The following FKBP4 variants were observed in gnomAD, a reference collection of about 807,000 sequenced individuals.
FKBP4 encodes the protein peptidyl-prolyl cis-trans isomerase FKBP4.
Under a neutral mutation model 54.1 loss-of-function variants are expected in FKBP4, and 28 were observed. That is an observed-to-expected ratio of 0.52 (90% CI 0.38 to 0.71). The LOEUF is 0.71. Ranked by LOEUF, FKBP4 falls within the 30% of genes least tolerant of loss-of-function variation. The probability of loss-of-function intolerance (pLI) is 0.00; values close to 1 mark genes in which losing one functional copy is unlikely to be tolerated. For synonymous variants in FKBP4, 223 were observed against 216.1 expected, an observed-to-expected ratio of 1.03 and a Z score of -0.28; for missense variants, 493 against 574.4, an observed-to-expected ratio of 0.86 and a Z score of 1.45.
chr12:2,800,909 A>G (rs549650034), intron 8 of FKBP4, among the ~76,000 whole-genome samples: 42 of 152,262 alleles, frequency 2.8e-4, no homozygotes, highest in Middle Eastern at 3.4e-3. Flanking sequence ...TCATCCAAAG[A>G]CCTGCTGTCT....
In FKBP4 at chr12:2,798,436, T is replaced by A. The variant is rs1308420268; in HGVS notation, c.394-270T>A. Among the ~76,000 whole-genome samples the A allele has an allele frequency of 6.6e-6, 1 of 152,246 alleles. No homozygotes were observed. Among genetic ancestry groups the A allele is most frequent in the Non-Finnish European group, 1.5e-5 (1 of 68,044 alleles). ...AATTAGGATTATCTGGGACGCGTCC[T>A]GATATGTCCGTGTTAGTAGAGCAGG... On this transcript the variant is annotated intron_variant, in intron 3 of 9. Coordinates refer to ENST00000001008, the MANE Select transcript of FKBP4 (RefSeq NM_002014.4). The surrounding 1 kb of genome is among the most constrained non-coding windows in gnomAD (Gnocchi z 4.3).
chr12:2,796,938 TTGC>T, intron 1 of FKBP4, 197 bp from the exon 2 acceptor site: 2 of 1,369,902 alleles, frequency 1.5e-6, no homozygotes, highest in Non-Finnish European at 1.9e-6. Context: ...AAACCAAGTC[TTGC>T]TGCACCTCAA....
Position 2,796,552 on chromosome 12 carries a change from C to T in FKBP4, c.106-586C>T, listed in dbSNP as rs1186588427. ...CCCTGGACTAACTACCAGAGGAATA[C>T]TCAGCTCCCAAGTCAGAGTTTAAGG... On this transcript the variant is annotated intron_variant, in intron 1 of 9. Transcript: ENST00000001008. The T allele has an allele frequency of 2.5e-6, 3 of 1,189,318 alleles. No homozygotes were observed. In the East Asian group the frequency reaches 1.7e-4, roughly 69 times the overall value. The allele number at this position is 1,189,318 out of a possible 1,614,324, so 73.7% of individuals were successfully genotyped here.
In FKBP4 at chr12:2,795,888, C is replaced by T; in HGVS notation, c.105+644C>T. 1.0e-6 allele frequency: 1 copy of T among 953,476 alleles called. No individual in the cohort carries two copies. The highest frequency in any genetic ancestry group is 1.3e-6 in the Non-Finnish European group (1 of 798,760). 59.1% of individuals were successfully genotyped at this position (953,476 alleles called of 1,614,324 possible). On this transcript the variant is annotated intron_variant, in intron 1 of 9. Coordinates refer to ENST00000001008, the MANE Select transcript of FKBP4 (RefSeq NM_002014.4). This position sits in a 1 kb window ranked among gnomAD's most constrained non-coding sequence, Gnocchi z 4.3. ...CCGCGCGGCGCCCCCTCCCTCGGCC[C>T]CGGGGAGGCCGGGCGCGGGGCATGC...
intron 8 of FKBP4, 112 bp from the exon 9 acceptor site, chr12:2,801,005 C>A: frequency 1.4e-6 from 2 of 1,429,424 alleles, no homozygotes; most frequent in Non-Finnish European, 1.9e-6. Context: ...GTGCAGCCAG[C>A]CACTTGCATT....
At position 2,803,221 on chromosome 12, in the gene FKBP4, C is replaced by T. The variant is rs766636474; in HGVS notation, c.1343C>T (p.Thr448Met). 2.0e-5 allele frequency: 32 copies of T among 1,600,238 alleles called. No homozygotes were observed. In the Admixed American group the frequency reaches 2.0e-4, roughly 10 times the overall value. The part of the protein sequence containing the change: ...TEMKEEQKSN[T>M]AGSQSQVETE... ...ATGAAGGAGGAGCAGAAGAGCAACA[C>T]GGCAGGGAGCCAGTCTCAGGTGGAG... The change falls in exon 10 of 10, where the codon ACG becomes ATG. Residue 448 changes from threonine (T) to methionine (M), a missense_variant. Thr to Met is a moderately conservative substitution (Grantham distance 81). Transcript: ENST00000001008.
At chr12:2,796,131 A>G (rs1281630606) in intron 1 of FKBP4, 6 of 1,230,854 alleles carry the variant, frequency 4.9e-6, no homozygotes, top group East Asian at 5.7e-5. Flanking sequence ...GTGAATTCCC[A>G]GCCTGCGTCT....
Position 2,804,982 on chromosome 12 carries a change from G to A in FKBP4, c.*1724G>A, listed in dbSNP as rs2097906735. The A allele has an allele frequency of 3.3e-6, 1 of 302,880 alleles. No individual in the cohort carries two copies. The highest frequency in any genetic ancestry group is 6.5e-6 in the Non-Finnish European group (1 of 153,816). 18.8% of individuals were successfully genotyped at this position (302,880 alleles called of 1,614,324 possible). A position where few individuals can be genotyped will look rare whatever the true frequency, so the allele number is the denominator to read the frequency against. On this transcript the variant is annotated 3_prime_UTR_variant, in exon 10 of 10. Transcript: ENST00000001008. ...CCTCACATCACAGCCCTGTGTTTGT[G>A]GTTTGTGTCTGGGTCCTCTTGGTAT...
intron 5 of FKBP4, 75 bp from the exon 6 acceptor site, chr12:2,799,775 T>TG: frequency 2.3e-6 from 3 of 1,290,426 alleles, no homozygotes; most frequent in Non-Finnish European, 2.2e-6. Context: ...TTCCAGGAAA[T>TG]GGACAGGAAG....
rs1351820540 is a variant in FKBP4 at position 2,798,610 on chromosome 12, CTGGCAGTTAG to C, written c.394-94_394-85del. 2.5e-6 allele frequency: 4 copies of C among 1,588,882 alleles called. No individual in the cohort carries two copies. The highest frequency in any genetic ancestry group is 3.4e-6 in the Non-Finnish European group (4 of 1,165,764). On this transcript the variant is annotated intron_variant, in intron 3 of 9. Coordinates refer to ENST00000001008, the MANE Select transcript of FKBP4 (RefSeq NM_002014.4). The surrounding 1 kb of genome is among the most constrained non-coding windows in gnomAD (Gnocchi z 4.3). Reference sequence around the variant, plus strand: ...GACTGCCCTTGTGGTCAGATCCGGCCTGGCAGTTAGTAGGGACTCTCTCGGATGAGAAAGA... The same window carrying C: ...GACTGCCCTTGTGGTCAGATCCGGCCTAGGGACTCTCTCGGATGAGAAAGA...
At chr12:2,797,385 T>A in intron 2 of FKBP4, 103 bp downstream of exon 2, 1 of 1,354,442 alleles carries the variant, frequency 7.4e-7, no homozygotes, top group Non-Finnish European at 1.0e-6. Context: ...GAATGGTTTA[T>A]CACAGTCTGT....
Position 2,798,991 on chromosome 12 carries a change from C to G in FKBP4, c.515-97C>G. The G allele has an allele frequency of 6.9e-7, 1 of 1,439,532 alleles. No individual in the cohort carries two copies. Among genetic ancestry groups the G allele is most frequent in the Non-Finnish European group, 9.5e-7 (1 of 1,057,826 alleles). 89.2% of individuals were successfully genotyped at this position (1,439,532 alleles called of 1,614,324 possible). A position where few individuals can be genotyped will look rare whatever the true frequency, so the allele number is the denominator to read the frequency against. On this transcript the variant is annotated intron_variant, in intron 4 of 9. Coordinates refer to ENST00000001008, the MANE Select transcript of FKBP4 (RefSeq NM_002014.4). The surrounding 1 kb of genome is among the most constrained non-coding windows in gnomAD (Gnocchi z 4.3). ...TCCAGATTTGAGAACACAGGAGAATCTTGGGATGATGGGGGTGATGCAGGG... is the reference window on the plus strand; with the variant it reads ...TCCAGATTTGAGAACACAGGAGAATGTTGGGATGATGGGGGTGATGCAGGG...
intron 2 of FKBP4, 103 bp from the exon 3 acceptor site, chr12:2,797,626 T>C: frequency 7.2e-7 from 1 of 1,397,704 alleles, no homozygotes. Context: ...CTAAAGGATG[T>C]CCAGCTTCCC....
chr12:2,796,135 T>G (rs2097901697), intron 1 of FKBP4: 1 of 1,235,620 alleles, frequency 8.1e-7, no homozygotes, highest in Non-Finnish European at 1.0e-6. Flanking sequence ...ATTCCCAGCC[T>G]GCGTCTTATG....
intron 1 of FKBP4, 191 bp from the exon 2 acceptor site, chr12:2,796,947 C>T: frequency 7.3e-7 from 1 of 1,377,702 alleles, no homozygotes; most frequent in Non-Finnish European, 9.4e-7. Flanking sequence ...CTTGCTGCAC[C>T]TCAAGAAAGA....
At chr12:2,800,317 A>C (rs2097904042) in intron 7 of FKBP4, 75 bp from the exon 8 acceptor site, 1 of 1,495,322 alleles carries the variant, frequency 6.7e-7, no homozygotes, top group African/African-American at 1.4e-5. Context: ...GCCATGTGTC[A>C]CTGATGTCTG....
At position 2,801,363 on chromosome 12, in the gene FKBP4, A is replaced by G; in HGVS notation, c.1272+7A>G. 1 of 1,613,910 alleles carries G rather than the reference A, an allele frequency of 6.2e-7. No homozygotes were observed. Among genetic ancestry groups the G allele is most frequent in the East Asian group, 2.2e-5 (1 of 44,872 alleles). On this transcript the variant is annotated splice_region_variant and intron_variant, in intron 9 of 9. Coordinates refer to ENST00000001008, the MANE Select transcript of FKBP4 (RefSeq NM_002014.4). ...GGCTGAGGAGGAGAACAAGGTGAGG[A>G]TTGGGGTGGGGAACAGTTGGAATAG...
In FKBP4 at chr12:2,795,966, G is replaced by A; in HGVS notation, c.105+722G>A. The A allele has an allele frequency of 9.4e-7, 1 of 1,059,638 alleles. No individual in the cohort carries two copies. Among genetic ancestry groups the A allele is most frequent in the Non-Finnish European group, 1.1e-6 (1 of 872,026 alleles). 65.6% of individuals were successfully genotyped at this position (1,059,638 alleles called of 1,614,324 possible). A position where few individuals can be genotyped will look rare whatever the true frequency, so the allele number is the denominator to read the frequency against. On this transcript the variant is annotated intron_variant, in intron 1 of 9. Coordinates refer to ENST00000001008, the MANE Select transcript of FKBP4 (RefSeq NM_002014.4). The surrounding 1 kb of genome is among the most constrained non-coding windows in gnomAD (Gnocchi z 4.3). ...GCCGCCTCCCGGAGCCAGGGCTGCG[G>A]GGTGTGGGGCGGGGAGGAGGCGCTC... is the stretch of plus-strand genomic sequence containing the variant.
chr12:2,801,029 C>T (rs1460627326), intron 8 of FKBP4, 88 bp from the exon 9 acceptor site: 3 of 1,555,504 alleles, frequency 1.9e-6, no homozygotes, highest in African/African-American at 1.4e-5. Context: ...CCTCATCCTC[C>T]TGAGGGGTAC....
Sources: gnomAD v4.1 joint callset for allele counts (sites outside exome capture counted in the v4.1 genomes callset) on GRCh38, gnomAD v4.1.1 for gene constraint, Gnocchi (gnomAD v3.1) non-coding constraint, MANE v1.5 for transcripts, NCBI Gene and HGNC (gene_info 2026-07-23, HGNC 2026-07-21) for gene names.